SUMF1: variants seen among roughly 807,000 people sequenced by gnomAD.
SUMF1 encodes formylglycine-generating enzyme.
Under a neutral mutation model 47.6 loss-of-function variants are expected in SUMF1, and 48 were observed. The observed-to-expected ratio is 1.01, with a 90% CI of 0.80 to 1.28. The LOEUF is 1.28. Ranked by LOEUF, SUMF1 falls within the 50% of genes most tolerant of loss-of-function variation. SUMF1 has a pLI of 0.00. For synonymous variants in SUMF1, 230 were observed against 192.1 expected (o/e 1.20, Z -1.63); for missense variants, 571 against 485.4 (o/e 1.18, Z -1.66).
At chr3:4,178,678 A>T (rs999840101) in intron 8 of SUMF1, among the ~76,000 whole-genome samples, 32 of 152,188 alleles carry the variant, frequency 2.1e-4, no homozygotes, top group African/African-American at 7.0e-4. Flanking sequence ...ATAGTGTTGG[A>T]AGTTCTGGCC....
chr3:4,303,611 C>CCA, intron 8 of SUMF1: 3 of 1,377,282 alleles, frequency 2.2e-6, no homozygotes, highest in Non-Finnish European at 2.8e-6. Flanking sequence ...GGACGGCCTC[C>CCA]CAGTCGCGAC....
rs771696353 is a variant in SUMF1 at position 4,168,541 on chromosome 3, T to A, written c.1015-99796A>T. Among the ~76,000 whole-genome samples the A allele has an allele frequency of 2.6e-5, 4 of 152,336 alleles. No individual in the cohort carries two copies. In the East Asian group the frequency reaches 5.8e-4, roughly 22 times the overall value. ...AATGAATTGCAGAGTGGGATAAAAT[T>A]AGCACAGTGGTTAAAAACATGGGCT... On this transcript the variant is annotated intron_variant and NMD_transcript_variant, in intron 8 of 12. Transcript: ENST00000448413.
intron 8 of SUMF1, among the ~76,000 whole-genome samples, chr3:4,150,572 G>T (rs187266235): frequency 6.6e-6 from 1 of 150,778 alleles, no homozygotes; most frequent in East Asian, 2.0e-4. Context: ...ATGTGTAGAG[G>T]CAGGGTCTTG....
chr3:4,103,629 A>T (rs3846148), intron 8 of SUMF1, among the ~76,000 whole-genome samples: 17,580 of 152,156 alleles, frequency 0.12, 2,044 homozygotes, highest in African/African-American at 0.28. Context: ...TTTCTTAGGC[A>T]TGGAGAATAA....
At chr3:4,240,885 T>G (rs1575009774) in intron 8 of SUMF1, among the ~76,000 whole-genome samples, 1 of 151,982 alleles carries the variant, frequency 6.6e-6, no homozygotes, top group Non-Finnish European at 1.5e-5. Flanking sequence ...GGAACTGAAG[T>G]GTCAAGTGAC....
chr3:4,165,660 C>A (rs950889373), intron 8 of SUMF1, among the ~76,000 whole-genome samples: 8 of 152,040 alleles, frequency 5.3e-5, no homozygotes, highest in African/African-American at 1.9e-4. Flanking sequence ...ATTTATACTT[C>A]CCTCAGGTGG....
chr3:4,041,103 C>T (rs1007155145), intron 9 of SUMF1, among the ~76,000 whole-genome samples: 1 of 152,136 alleles, frequency 6.6e-6, no homozygotes, highest in Non-Finnish European at 1.5e-5. Flanking sequence ...GACAGAATCT[C>T]ACTCTGTAGC....
intron 8 of SUMF1, among the ~76,000 whole-genome samples, chr3:4,265,646 T>A (rs946562467): frequency 6.6e-6 from 1 of 151,762 alleles, no homozygotes; most frequent in South Asian, 2.1e-4. Context: ...GTCAGATGAG[T>A]AGGTTGCGAA....
At chr3:4,145,325 AT>A (rs1345864545) in intron 8 of SUMF1, among the ~76,000 whole-genome samples, 7 of 151,994 alleles carry the variant, frequency 4.6e-5, no homozygotes, top group African/African-American at 1.7e-4. Flanking sequence ...CCCAGTAAAT[AT>A]TTGCTGAATG....
chr3:4,205,057 G>C (rs564699811), intron 8 of SUMF1, among the ~76,000 whole-genome samples: 1 of 152,154 alleles, frequency 6.6e-6, no homozygotes, highest in South Asian at 2.1e-4. Context: ...TATCCCCAGT[G>C]ACCTGCACAT....
intron 7 of SUMF1, among the ~76,000 whole-genome samples, chr3:4,406,771 C>A (rs934389857): frequency 6.6e-6 from 1 of 152,116 alleles, no homozygotes; most frequent in Admixed American, 6.5e-5. Flanking sequence ...ACAGATCACC[C>A]CATCCTGTCA....
At chr3:4,233,243 A>T (rs1489707396) in intron 8 of SUMF1, among the ~76,000 whole-genome samples, 1 of 152,084 alleles carries the variant, frequency 6.6e-6, no homozygotes, top group Non-Finnish European at 1.5e-5. Context: ...ATTATGAGAG[A>T]TGTCATTATG....
At chr3:4,314,437 A>G (rs902847361) in intron 8 of SUMF1, 2 of 152,430 alleles carry the variant, frequency 1.3e-5, no homozygotes, top group Non-Finnish European at 2.9e-5. Flanking sequence ...CTAAGCATGG[A>G]TCAAGGAAAA....
chr3:4,161,879 T>C (rs370973956), intron 8 of SUMF1, among the ~76,000 whole-genome samples: 79 of 152,112 alleles, frequency 5.2e-4, no homozygotes, highest in African/African-American at 1.8e-3. Context: ...AATGAGTCTC[T>C]TCTCATAGCC....
chr3:4,224,124 C>G (rs1696125524), intron 8 of SUMF1, among the ~76,000 whole-genome samples: 1 of 152,070 alleles, frequency 6.6e-6, no homozygotes, highest in South Asian at 2.1e-4. Context: ...GACCTCATGT[C>G]TGTCATTAGC....
At chr3:4,270,124 C>T (rs552655634) in intron 8 of SUMF1, among the ~76,000 whole-genome samples, 10 of 152,028 alleles carry the variant, frequency 6.6e-5, no homozygotes, top group African/African-American at 2.4e-4. Flanking sequence ...GAGGAACAAA[C>T]GAAGAAACTG....
At chr3:4,401,882 G>A (rs1701223280) in intron 7 of SUMF1, among the ~76,000 whole-genome samples, 1 of 152,106 alleles carries the variant, frequency 6.6e-6, no homozygotes, top group Non-Finnish European at 1.5e-5. Flanking sequence ...CTGTGAAAAG[G>A]TAACCAATAA....
At chr3:4,068,031 A>T (rs1442328546) in intron 9 of SUMF1, among the ~76,000 whole-genome samples, 1 of 152,196 alleles carries the variant, frequency 6.6e-6, no homozygotes, top group African/African-American at 2.4e-5. Flanking sequence ...CTTCCATTCT[A>T]AAACTTGTGT....
chr3:4,402,765 G>C (rs751874779), intron 7 of SUMF1, among the ~76,000 whole-genome samples: 1 of 152,142 alleles, frequency 6.6e-6, no homozygotes, highest in Non-Finnish European at 1.5e-5. Context: ...GTTGAGATAG[G>C]CATTGCATGA....
Sources: gnomAD v4.1 joint callset for allele counts (sites outside exome capture counted in the v4.1 genomes callset) on GRCh38, gnomAD v4.1.1 for gene constraint, MANE v1.5 for transcripts, NCBI Gene and HGNC (gene_info 2026-07-23, HGNC 2026-07-21) for gene names.